The following PPM1G variants were observed in gnomAD, a reference collection of about 807,000 sequenced individuals.
The protein encoded by PPM1G is protein phosphatase 1G.
A neutral mutation model predicts 59.4 loss-of-function variants in PPM1G; 12 were observed. That is an observed-to-expected ratio of 0.20 (90% CI 0.13 to 0.33). The LOEUF (loss-of-function observed/expected upper bound fraction) is 0.33. Among genes scored for constraint, PPM1G ranks in the 10% least tolerant of loss-of-function variants. PPM1G has a pLI of 1.00. For missense variants in PPM1G, 392 were observed against 681.3 expected (o/e 0.58, Z 4.73); for synonymous variants, 245 against 251.9 (o/e 0.97, Z 0.26).
intron 1 of PPM1G, among the ~76,000 whole-genome samples, chr2:27,394,063 A>T (rs1480238624): frequency 6.9e-6 from 1 of 144,892 alleles, no homozygotes; most frequent in African/African-American, 2.6e-5. Flanking sequence ...CGCCCGGCCT[A>T]ATTTTTTATT....
chr2:27,396,652 T>G lies in PPM1G; in HGVS notation c.121-9494A>C, dbSNP rs551106370. ...CAACATGGAGAAACCCCGTCTCTAC[T>G]AAAAATACAAAAATTAACTGGGCAT... is the stretch of plus-strand genomic sequence containing the variant. On this transcript the variant is annotated intron_variant, in intron 1 of 9. Coordinates refer to ENST00000344034, the MANE Select transcript of PPM1G (RefSeq NM_177983.3). 2.6e-5 allele frequency among the ~76,000 whole-genome samples: 4 copies of G among 151,894 alleles called. No individual in the cohort carries two copies. The South Asian group carries it at 8.3e-4, about 32-fold the overall frequency.
intron 1 of PPM1G, chr2:27,392,676 G>A: frequency 1.4e-6 from 1 of 705,052 alleles, no homozygotes; most frequent in Admixed American, 2.0e-5. Flanking sequence ...AACTTAAGTG[G>A]GTGTCTTGGA....
At chr2:27,395,041 C>T (rs953674117) in intron 1 of PPM1G, among the ~76,000 whole-genome samples, 1 of 151,886 alleles carries the variant, frequency 6.6e-6, no homozygotes, top group South Asian at 2.1e-4. Flanking sequence ...ATCAGCCTGA[C>T]CAACATGGTG....
Position 27,382,421 on chromosome 2 carries a change from A to C in PPM1G, c.1331+55T>G, listed in dbSNP as rs908404100. On this transcript the variant is annotated intron_variant, in intron 8 of 9. Coordinates refer to ENST00000344034, the MANE Select transcript of PPM1G (RefSeq NM_177983.3). The surrounding 1 kb of genome is among the most constrained non-coding windows in gnomAD (Gnocchi z 4.2). ...TAATCCTAGAGGTGCCCTGAGTCCT[A>C]TAAGAGAAGACATGCTGCAGAAAGG... 14 of 1,609,918 alleles carry C rather than the reference A, an allele frequency of 8.7e-6. No homozygotes were observed. The Admixed American group carries it at 2.3e-4, about 27-fold the overall frequency.
At chr2:27,394,845 A>G (rs1276396008) in intron 1 of PPM1G, among the ~76,000 whole-genome samples, 1 of 151,238 alleles carries the variant, frequency 6.6e-6, no homozygotes, top group Non-Finnish European at 1.5e-5. Flanking sequence ...CACAATGGCC[A>G]CCCATTTCCA....
In PPM1G at chr2:27,387,048, T is replaced by TG. The variant is rs747254236; in HGVS notation, c.190+40dup. The TG allele has an allele frequency of 6.7e-6, 10 of 1,497,038 alleles. No homozygotes were observed. In the African/African-American group the frequency reaches 1.4e-4, roughly 21 times the overall value. The allele number at this position is 1,497,038 out of a possible 1,614,324, so 92.7% of individuals were successfully genotyped here. A position where few individuals can be genotyped will look rare whatever the true frequency, so the allele number is the denominator to read the frequency against. The stretch of plus-strand genomic sequence containing the variant: ...GTTCTTGCCCTGGAACGTCTGGAAT[T>TG]GGGGTCCTAGAATGTTACCAATATG... On this transcript the variant is annotated intron_variant, in intron 2 of 9. Transcript: ENST00000344034.
At chr2:27,389,830 C>A (rs540526697) in intron 1 of PPM1G, among the ~76,000 whole-genome samples, 1 of 152,146 alleles carries the variant, frequency 6.6e-6, no homozygotes, top group South Asian at 2.1e-4. Flanking sequence ...CCAGGCATAG[C>A]AGCATGCACC....
Position 27,384,068 on chromosome 2 carries a change from A to G in PPM1G, c.850T>C (p.Tyr284His). 1.2e-6 allele frequency: 2 copies of G among 1,613,868 alleles called. No homozygotes were observed. The highest frequency in any genetic ancestry group is 1.7e-6 in the Non-Finnish European group (2 of 1,179,908). Residue 284 changes from tyrosine (Y) to histidine (H), a missense_variant, in exon 6 of 10, where the codon TAC (tyrosine) becomes CAC (histidine). Around this residue, in one of 6 missense-constraint regions of PPM1G, gnomAD observed 188 missense variants for 248.8 expected, o/e 0.76. Coordinates refer to ENST00000344034, the MANE Select transcript of PPM1G (RefSeq NM_177983.3). This position sits in a 1 kb window ranked among gnomAD's most constrained non-coding sequence, Gnocchi z 4.8. ...TCATTCTCTGCCTCCTCACTGCTGTAGCCATCCTCTTCCTCGCTGCATTCC... is the reference window on the plus strand; with the variant it reads ...TCATTCTCTGCCTCCTCACTGCTGTGGCCATCCTCTTCCTCGCTGCATTCC... The part of the protein sequence containing the change: ...SEECSEEEDG[Y>H]SSEEAENEED...
At chr2:27,393,678 G>A (rs1250475490) in intron 1 of PPM1G, among the ~76,000 whole-genome samples, 5 of 152,098 alleles carry the variant, frequency 3.3e-5, no homozygotes, top group South Asian at 4.1e-4. Context: ...TCCATCTCCC[G>A]GGTTCAAGCA....
At chr2:27,393,986 T>C (rs898843652) in intron 1 of PPM1G, among the ~76,000 whole-genome samples, 3 of 151,978 alleles carry the variant, frequency 2.0e-5, no homozygotes, top group African/African-American at 7.2e-5. Flanking sequence ...ATGGTCTCAA[T>C]CTCCTGACCT....
chr2:27,388,430 T>A (rs577561298), intron 1 of PPM1G, among the ~76,000 whole-genome samples: 4 of 151,616 alleles, frequency 2.6e-5, no homozygotes, highest in Admixed American at 2.0e-4. Flanking sequence ...ATAAATAAAA[T>A]AAAAAACAGT....
At position 27,383,359 on chromosome 2, in the gene PPM1G, C is replaced by T. The variant is rs1683687785; in HGVS notation, c.1201+7G>A. On this transcript the variant is annotated splice_region_variant and intron_variant, in intron 7 of 9. Coordinates refer to ENST00000344034, the MANE Select transcript of PPM1G (RefSeq NM_177983.3). The surrounding 1 kb of genome is among the most constrained non-coding windows in gnomAD (Gnocchi z 5.0). ...CTAGAAGTCTTTCCCAGTTTCTTGG[C>T]CCTTACCAATGGCTCTGGAGAGGTT... 6.2e-7 allele frequency: 1 copy of T among 1,612,750 alleles called. No individual in the cohort carries two copies. The highest frequency in any genetic ancestry group is 8.5e-7 in the Non-Finnish European group (1 of 1,178,772).
In PPM1G at chr2:27,385,230, G is replaced by A. The variant is rs772584172; in HGVS notation, c.410-142C>T. Reference sequence around the variant, plus strand: ...GGTTCCTCTCGCTCAAGTCTCAGAAGAACATGCCCTAGCTCCTCCTCCTCC... The same window carrying A: ...GGTTCCTCTCGCTCAAGTCTCAGAAAAACATGCCCTAGCTCCTCCTCCTCC... On this transcript the variant is annotated intron_variant, in intron 4 of 9. Coordinates refer to ENST00000344034, the MANE Select transcript of PPM1G (RefSeq NM_177983.3). The surrounding 1 kb of genome is among the most constrained non-coding windows in gnomAD (Gnocchi z 4.1). 9.7e-6 allele frequency: 9 copies of A among 932,148 alleles called. No homozygotes were observed. The highest frequency in any genetic ancestry group is 1.2e-5 in the Non-Finnish European group (8 of 645,662). The allele number at this position is 932,148 out of a possible 1,614,324, so 57.7% of individuals were successfully genotyped here.
intron 1 of PPM1G, among the ~76,000 whole-genome samples, chr2:27,399,151 A>AC (rs1684123418): frequency 6.6e-6 from 1 of 151,694 alleles, no homozygotes; most frequent in South Asian, 2.1e-4. Context: ...GACCAAAACA[A>AC]CAACAACAAC....
chr2:27,382,568 A>C lies in PPM1G; in HGVS notation c.1239T>G (p.Pro413=). The C allele has an allele frequency of 6.2e-7, 1 of 1,614,234 alleles. No individual in the cohort carries two copies. The highest frequency in any genetic ancestry group is 8.5e-7 in the Non-Finnish European group (1 of 1,180,034). The change falls in exon 8 of 10, where the codon CCT becomes CCG. Residue 413 remains proline (P), a synonymous_variant. Transcript: ENST00000344034. The surrounding 1 kb of genome is among the most constrained non-coding windows in gnomAD (Gnocchi z 4.2). ...GAAGGGCTGAAATCATCTGTTCCTC[A>C]GGTGGCAGGTTCTTGTTTCTCTTAT... ...HFYKRNKNLP[P]EEQMISALPD...
intron 1 of PPM1G, among the ~76,000 whole-genome samples, chr2:27,405,002 C>T (rs2148428490): frequency 1.4e-5 from 2 of 147,220 alleles, no homozygotes; most frequent in South Asian, 2.1e-4. Context: ...GATTTGACTT[C>T]TTATTTAGCC....
rs998931541 is a variant in PPM1G at position 27,383,247 on chromosome 2, G to A, written c.1201+119C>T. ...ATTTCACAGAAATATAAGAACAGAG[G>A]TAGTAGATATTAAAGTGCTTTGAAA... On this transcript the variant is annotated intron_variant, in intron 7 of 9. Coordinates refer to ENST00000344034, the MANE Select transcript of PPM1G (RefSeq NM_177983.3). This position sits in a 1 kb window ranked among gnomAD's most constrained non-coding sequence, Gnocchi z 5.0. 1.3e-6 allele frequency: 1 copy of A among 786,492 alleles called. No individual in the cohort carries two copies. Among genetic ancestry groups the A allele is most frequent in the Non-Finnish European group, 2.1e-6 (1 of 473,076 alleles). The allele number at this position is 786,492 out of a possible 1,614,324, so 48.7% of individuals were successfully genotyped here. A position where few individuals can be genotyped will look rare whatever the true frequency, so the allele number is the denominator to read the frequency against.
chr2:27,395,249 A>G (rs1424540828), intron 1 of PPM1G, among the ~76,000 whole-genome samples: 24 of 138,800 alleles, frequency 1.7e-4, no homozygotes, highest in Non-Finnish European at 3.2e-4. Context: ...AAAAAAAAAA[A>G]AGAAAGAAAG....
At chr2:27,398,270 T>C (rs768345773) in intron 1 of PPM1G, among the ~76,000 whole-genome samples, 3 of 151,944 alleles carry the variant, frequency 2.0e-5, no homozygotes, top group Non-Finnish European at 2.9e-5. Context: ...AGAACAGTGG[T>C]TTAAACAAAT....
Sources: allele counts gnomAD v4.1 joint callset (sites outside exome capture counted in the v4.1 genomes callset), GRCh38; gene constraint gnomAD v4.1.1; regional missense constraint gnomAD v4.1.1; non-coding constraint Gnocchi (gnomAD v3.1); transcripts MANE v1.5; gene names NCBI Gene and HGNC (gene_info 2026-07-23, HGNC 2026-07-21).